FHIT: variants seen among roughly 807,000 people sequenced by gnomAD.
FHIT encodes the protein bis(5'-adenosyl)-triphosphatase.
A neutral mutation model predicts 17.9 loss-of-function variants in FHIT; 19 were observed. The ratio of observed to expected loss-of-function variants is 1.06; its 90% confidence interval spans 0.74 to 1.56. The LOEUF (loss-of-function observed/expected upper bound fraction) is 1.56. Ranked by LOEUF, FHIT falls within the 40% of genes most tolerant of loss-of-function variation. The pLI is 0.00. For synonymous variants in FHIT, 81 were observed against 69.7 expected, an observed-to-expected ratio of 1.16 and a Z score of -0.81; for missense variants, 248 against 189.2, an observed-to-expected ratio of 1.31 and a Z score of -1.82.
In FHIT at chr3:60,246,001, T is replaced by C. The variant is rs528145349; in HGVS notation, c.104-231849A>G. On this transcript the variant is annotated intron_variant, in intron 5 of 9. Transcript: ENST00000492590. ...AAAAAAATTTTCTTAAATTTGCCTA[T>C]GCTTATGTTAAAGTAAACTGTTTAA... 1.3e-4 allele frequency among the ~76,000 whole-genome samples: 20 copies of C among 152,238 alleles called. 1 individual carries two copies. The South Asian group carries it at 3.9e-3, about 30-fold the overall frequency.
chr3:60,170,813 A>G (rs1701387237), intron 5 of FHIT, among the ~76,000 whole-genome samples: 1 of 152,212 alleles, frequency 6.6e-6, no homozygotes, highest in Admixed American at 6.5e-5. Context: ...CAGGTAATCT[A>G]TATAATTTAA....
Position 60,027,108 on chromosome 3 carries a change from G to GACAC in FHIT, c.104-12960_104-12957dup, listed in dbSNP as rs754046097. Among the ~76,000 whole-genome samples, 417 of 88,082 alleles carry GACAC rather than the reference G, an allele frequency of 4.7e-3. 7 individuals carry two copies. Among genetic ancestry groups the GACAC allele is most frequent in the East Asian group, 6.2e-3 (11 of 1,776 alleles). The allele number at this position is 88,082 out of a possible 152,430, so 57.8% of individuals were successfully genotyped here. ...AGTGAGTAAGACTGTTTCACACACAGACACACACACACACACACACACACA... is the reference window on the plus strand; with the variant it reads ...AGTGAGTAAGACTGTTTCACACACAGACACACACACACACACACACACACACACA... On this transcript the variant is annotated intron_variant, in intron 5 of 9. Transcript: ENST00000492590.
intron 5 of FHIT, among the ~76,000 whole-genome samples, chr3:60,117,593 G>GA (rs60251531): frequency 6.6e-6 from 1 of 151,216 alleles, no homozygotes; most frequent in South Asian, 2.1e-4. Context: ...GGTTAATTGG[G>GA]AAAAATGTGA....
chr3:60,842,645 A>ATTTTTTTT lies in FHIT; in HGVS notation c.-110-20642_-110-20635dup, dbSNP rs1170383044. ...TATATGAGTGTATATATATATATAT[A>ATTTTTTTT]TTTTTTTTTTTTTTTTTTTCCCTTG... is the stretch of plus-strand genomic sequence containing the variant. On this transcript the variant is annotated intron_variant, in intron 3 of 9. Transcript: ENST00000492590. Among the ~76,000 whole-genome samples the ATTTTTTTT allele has an allele frequency of 4.2e-4, 40 of 94,570 alleles. 2 individuals carry two copies. The highest frequency in any genetic ancestry group is 6.1e-4 in the Non-Finnish European group (28 of 46,134). The allele number at this position is 94,570 out of a possible 152,430, so 62.0% of individuals were successfully genotyped here.
intron 2 of FHIT, among the ~76,000 whole-genome samples, chr3:61,161,137 T>TAAA (rs201875023): frequency 1.5e-5 from 2 of 133,350 alleles, no homozygotes; most frequent in South Asian, 2.3e-4. Context: ...CATCCACAGT[T>TAAA]AAAAAAAAAA....
chr3:61,207,925 C>G (rs564885644), intron 1 of FHIT, among the ~76,000 whole-genome samples: 4 of 152,248 alleles, frequency 2.6e-5, no homozygotes, highest in African/African-American at 9.6e-5. Flanking sequence ...ACTTTTAGAT[C>G]TTTCCTGCTT....
chr3:61,016,063 C>T (rs1040760322), intron 3 of FHIT, among the ~76,000 whole-genome samples: 1 of 152,190 alleles, frequency 6.6e-6, no homozygotes, highest in Non-Finnish European at 1.5e-5. Flanking sequence ...GCCATGTGTA[C>T]AGGCCACTTC....
intron 2 of FHIT, among the ~76,000 whole-genome samples, chr3:61,175,808 T>C (rs976114903): frequency 1.3e-5 from 2 of 152,306 alleles, no homozygotes; most frequent in South Asian, 4.1e-4. Context: ...TACTGGTGCA[T>C]TGATCTTGGA....
chr3:60,227,297 G>A (rs1019320449), intron 5 of FHIT, among the ~76,000 whole-genome samples: 2 of 152,078 alleles, frequency 1.3e-5, no homozygotes, highest in Admixed American at 6.5e-5. Context: ...AGATTTTATG[G>A]CATGCATTTC....
intron 2 of FHIT, among the ~76,000 whole-genome samples, chr3:61,074,094 AT>A (rs1271679126): frequency 2.0e-5 from 3 of 152,052 alleles, no homozygotes; most frequent in East Asian, 3.8e-4. Context: ...TGTCAGTTTA[AT>A]TTTTTTTAAA....
chr3:59,916,309 G>A (rs1705132725), intron 8 of FHIT, among the ~76,000 whole-genome samples: 1 of 152,152 alleles, frequency 6.6e-6, no homozygotes, highest in African/African-American at 2.4e-5. Flanking sequence ...TGGTTTGCCA[G>A]GGGCTCTCGG....
At position 61,047,076 on chromosome 3, in the gene FHIT, C is replaced by T. The variant is rs565126062; in HGVS notation, c.-163-4977G>A. 2.4e-3 allele frequency among the ~76,000 whole-genome samples: 362 copies of T among 152,286 alleles called. 1 individual carries two copies. The highest frequency in any genetic ancestry group is 8.5e-3 in the African/African-American group (355 of 41,560). Reference sequence around the variant, plus strand: ...AAGCTAGAAGCATTCCCTTTGAAACCTGGCACAAGACAGGGATGCCCTCTT... The same window carrying T: ...AAGCTAGAAGCATTCCCTTTGAAACTTGGCACAAGACAGGGATGCCCTCTT... On this transcript the variant is annotated intron_variant, in intron 2 of 9. Transcript: ENST00000492590.
intron 5 of FHIT, among the ~76,000 whole-genome samples, chr3:60,435,782 T>C (rs2030170396): frequency 1.3e-5 from 2 of 152,122 alleles, no homozygotes; most frequent in Admixed American, 1.3e-4. Flanking sequence ...CATTAGTTAC[T>C]TTTCCTGATC....
intron 5 of FHIT, among the ~76,000 whole-genome samples, chr3:60,524,079 C>G (rs760134051): frequency 1.4e-4 from 21 of 152,060 alleles, no homozygotes; most frequent in Non-Finnish European, 2.5e-4. Flanking sequence ...ATTCATTTAA[C>G]AAATATTTAC....
intron 5 of FHIT, among the ~76,000 whole-genome samples, chr3:60,300,859 AG>A (rs1223655497): frequency 2.0e-5 from 3 of 152,060 alleles, no homozygotes; most frequent in Non-Finnish European, 4.4e-5. Context: ...TTCTCCTTCC[AG>A]ATAGCTCTCA....
chr3:60,606,190 A>G (rs1472356375), intron 4 of FHIT, among the ~76,000 whole-genome samples: 1 of 152,092 alleles, frequency 6.6e-6, no homozygotes, highest in East Asian at 1.9e-4. Flanking sequence ...TACTATAGCA[A>G]ACATCACTTG....
chr3:60,350,517 GA>G (rs1711033390), intron 5 of FHIT, among the ~76,000 whole-genome samples: 1 of 151,986 alleles, frequency 6.6e-6, no homozygotes, highest in African/African-American at 2.4e-5. Flanking sequence ...GAACAAATAA[GA>G]CACATGTTTA....
chr3:60,441,798 A>T (rs1358117701), intron 5 of FHIT, among the ~76,000 whole-genome samples: 10 of 65,602 alleles, frequency 1.5e-4, no homozygotes, highest in South Asian at 5.8e-4. Context: ...ATATATATAT[A>T]TATATATATA....
chr3:61,022,964 T>C (rs2032534423), intron 3 of FHIT, among the ~76,000 whole-genome samples: 2 of 152,200 alleles, frequency 1.3e-5, no homozygotes, highest in African/African-American at 2.4e-5. Context: ...ACCACTGCTA[T>C]TCAACATAGT....
Sources: allele counts gnomAD v4.1 joint callset (sites outside exome capture counted in the v4.1 genomes callset), GRCh38; gene constraint gnomAD v4.1.1; transcripts MANE v1.5; gene names NCBI Gene and HGNC (gene_info 2026-07-23, HGNC 2026-07-21).